RIMS1: variants seen among roughly 807,000 people sequenced by gnomAD.
RIMS1 encodes the protein regulating synaptic membrane exocytosis protein 1.
In RIMS1, 83 loss-of-function variants were observed where a neutral mutation model predicts 214.1. That is an observed-to-expected ratio of 0.39 (90% confidence interval 0.32 to 0.47). RIMS1 has a LOEUF of 0.47. Among genes scored for constraint, RIMS1 ranks in the 20% least tolerant of loss-of-function variants. The pLI, the probability that RIMS1 is intolerant of heterozygous loss-of-function variation, is 0.99. For missense variants in RIMS1, 2,050 were observed against 2,161.8 expected (o/e 0.95, Z 1.03); for synonymous variants, 793 against 786.8 (o/e 1.01, Z -0.13).
At chr6:72,262,120 C>T in intron 19 of RIMS1, 2 of 984,552 alleles carry the variant, frequency 2.0e-6, no homozygotes, top group East Asian at 1.1e-4. Context: ...GCCTGGCACT[C>T]AGTGTGTGAA....
chr6:72,271,286 A>AAAATATATATATAT (rs1417580438), intron 22 of RIMS1, among the ~76,000 whole-genome samples: 12 of 44,368 alleles, frequency 2.7e-4, no homozygotes, highest in East Asian at 2.1e-3. Context: ...AAAAAAAAAA[A>AAAATATATATATAT]ATATATATAT....
chr6:71,932,845 G>A (rs1369343359), intron 1 of RIMS1, among the ~76,000 whole-genome samples: 1 of 151,968 alleles, frequency 6.6e-6, no homozygotes, highest in African/African-American at 2.4e-5. Context: ...AAAGTGACAT[G>A]TTTGGAAAAA....
chr6:71,938,599 G>A (rs1402561075), intron 1 of RIMS1, among the ~76,000 whole-genome samples: 1 of 152,148 alleles, frequency 6.6e-6, no homozygotes, highest in African/African-American at 2.4e-5. Flanking sequence ...TGGCTGGAGT[G>A]GCCACAGAGC....
intron 12 of RIMS1, among the ~76,000 whole-genome samples, chr6:72,249,478 A>T (rs561313154): frequency 6.6e-6 from 1 of 152,154 alleles, no homozygotes; most frequent in Non-Finnish European, 1.5e-5. Context: ...ATGAAAAATA[A>T]CCTGTAATAG....
intron 6 of RIMS1, among the ~76,000 whole-genome samples, chr6:72,220,297 C>A (rs1257461792): frequency 6.6e-6 from 1 of 152,018 alleles, no homozygotes; most frequent in Admixed American, 6.6e-5. Flanking sequence ...GGAGAGAGAT[C>A]AGAGGCCTTT....
chr6:72,128,607 C>T (rs927847333), intron 4 of RIMS1, among the ~76,000 whole-genome samples: 2 of 152,106 alleles, frequency 1.3e-5, no homozygotes, highest in Admixed American at 6.6e-5. Flanking sequence ...CAGGATTCCT[C>T]TCTTAAAATT....
rs541306851 is a variant in RIMS1, at chr6:72,056,228, G to A, written c.246-40721G>A. On this transcript the variant is annotated intron_variant, in intron 2 of 33. Coordinates refer to ENST00000521978, the MANE Select transcript of RIMS1 (RefSeq NM_014989.7). Reference sequence around the variant, plus strand: ...TTAAACACTGAGTGCATATGTACACGAAGAAGAGAATGACAGACACCAGGG... The same window carrying A: ...TTAAACACTGAGTGCATATGTACACAAAGAAGAGAATGACAGACACCAGGG... Among the ~76,000 whole-genome samples, 24 of 152,060 alleles carry A rather than the reference G, an allele frequency of 1.6e-4. No homozygotes were observed. In the South Asian group the frequency reaches 2.9e-3, roughly 18 times the overall value.
rs117651061 is a variant in RIMS1 at position 72,177,721 on chromosome 6, A to C, written c.472-1854A>C. On this transcript the variant is annotated intron_variant, in intron 4 of 33. Transcript: ENST00000521978. ...TGGTCTGTCAGCTAAAGAGACAAAA[A>C]ACAAACCAACCAACCAAAACCTTCC... is the stretch of plus-strand genomic sequence containing the variant. Among the ~76,000 whole-genome samples, 97 of 152,292 alleles carry C rather than the reference A, an allele frequency of 6.4e-4. 2 individuals carry two copies. The East Asian group carries it at 0.017, about 27-fold the overall frequency.
chr6:72,006,105 C>T (rs755849827), intron 2 of RIMS1, among the ~76,000 whole-genome samples: 1 of 152,148 alleles, frequency 6.6e-6, no homozygotes, highest in East Asian at 1.9e-4. Context: ...TGGTGGAGAG[C>T]AGAGAGCGGA....
intron 30 of RIMS1, 56 bp from the exon 31 acceptor site, chr6:72,392,642 G>A: frequency 8.3e-7 from 1 of 1,203,404 alleles, no homozygotes; most frequent in African/African-American, 1.5e-5. Context: ...CTAGTGAAAA[G>A]AATTCTAGAA....
chr6:72,258,839 A>G lies in RIMS1; in HGVS notation c.2928-147A>G, dbSNP rs868495531. 1.5e-4 allele frequency: 110 copies of G among 742,708 alleles called. 1 individual carries two copies. Among genetic ancestry groups the G allele is most frequent in the South Asian group, 5.7e-4 (34 of 59,600 alleles). 46.0% of individuals were successfully genotyped at this position (742,708 alleles called of 1,614,324 possible). On this transcript the variant is annotated intron_variant, in intron 17 of 33. Transcript: ENST00000521978. ...AAACTCATAGAAAACAAATACCCTT[A>G]ACTCATTGATAAGTAGGTTTTGATT...
At chr6:71,906,909 C>G (rs928050553) in intron 1 of RIMS1, among the ~76,000 whole-genome samples, 4 of 152,174 alleles carry the variant, frequency 2.6e-5, no homozygotes, top group Admixed American at 6.5e-5. Flanking sequence ...TCAAATAGTA[C>G]TACACACTCA....
chr6:72,230,459 T>C (rs2061594452), intron 6 of RIMS1, among the ~76,000 whole-genome samples: 1 of 151,610 alleles, frequency 6.6e-6, no homozygotes, highest in Non-Finnish European at 1.5e-5. Context: ...ATTTAATATA[T>C]GAAATTAGAG....
At chr6:72,380,606 C>T (rs1275517711) in intron 29 of RIMS1, among the ~76,000 whole-genome samples, 1 of 152,178 alleles carries the variant, frequency 6.6e-6, no homozygotes, top group Non-Finnish European at 1.5e-5. Context: ...GCTATTTTTA[C>T]TACTACTGAG....
chr6:72,098,467 G>T lies in RIMS1; in HGVS notation c.459+1305G>T, dbSNP rs558675026. On this transcript the variant is annotated intron_variant, in intron 3 of 33. Coordinates refer to ENST00000521978, the MANE Select transcript of RIMS1 (RefSeq NM_014989.7). ...CTGCCACCATGCCTAGCTAATTTTT[G>T]TATTTTCAGTAGAGACGGGGTTTCA... 2.7e-5 allele frequency among the ~76,000 whole-genome samples: 4 copies of T among 149,868 alleles called. No individual in the cohort carries two copies. In the South Asian group the frequency reaches 8.5e-4, roughly 32 times the overall value.
At chr6:71,977,214 G>A (rs1022155180) in intron 2 of RIMS1, among the ~76,000 whole-genome samples, 31 of 152,136 alleles carry the variant, frequency 2.0e-4, no homozygotes, top group Non-Finnish European at 2.9e-4. Flanking sequence ...CTCTGTTTTG[G>A]GAGCTCTTGC....
rs190714029 is a variant in RIMS1, at chr6:72,104,555, C to G, written c.471+4569C>G. Among the ~76,000 whole-genome samples the G allele has an allele frequency of 9.0e-4, 137 of 152,206 alleles. 1 individual carries two copies. The highest frequency in any genetic ancestry group is 1.3e-4 in the Non-Finnish European group (9 of 68,026). ...GATAAGAAATGTTGGTAGCCGTTTC[C>G]TCTGGGACTGATACTGTAGTCTTTC... On this transcript the variant is annotated intron_variant, in intron 4 of 33. Transcript: ENST00000521978.
At chr6:71,889,137 T>A (rs760038437) in intron 1 of RIMS1, among the ~76,000 whole-genome samples, 1 of 152,092 alleles carries the variant, frequency 6.6e-6, no homozygotes, top group Non-Finnish European at 1.5e-5. Context: ...GTGGAAAATA[T>A]AGGCTGCTGC....
intron 4 of RIMS1, among the ~76,000 whole-genome samples, chr6:72,161,919 C>T (rs1459352825): frequency 7.1e-6 from 1 of 140,822 alleles, no homozygotes; most frequent in Non-Finnish European, 1.6e-5. Flanking sequence ...TGGTGCAGAG[C>T]TGAGTTCAAT....
Sources: gnomAD v4.1 joint callset for allele counts (sites outside exome capture counted in the v4.1 genomes callset) on GRCh38, gnomAD v4.1.1 for gene constraint, MANE v1.5 for transcripts, NCBI Gene and HGNC (gene_info 2026-07-23, HGNC 2026-07-21) for gene names.